The following PCDH15 variants were observed in gnomAD, a reference collection of about 807,000 sequenced individuals.
The protein encoded by PCDH15 is protocadherin related 15.
A neutral mutation model predicts 178.5 loss-of-function variants in PCDH15; 129 were observed. That is an observed-to-expected ratio of 0.72 (90% confidence interval 0.63 to 0.84). The LOEUF (loss-of-function observed/expected upper bound fraction) is 0.84, where lower values mean the gene tolerates loss of function less well. Among genes scored for constraint, PCDH15 ranks in the 40% least tolerant of loss-of-function variants. The pLI is 0.00. For synonymous variants in PCDH15, 800 were observed against 732.0 expected, an observed-to-expected ratio of 1.09 and a Z score of -1.50; for missense variants, 2,230 against 2,099.9, an observed-to-expected ratio of 1.06 and a Z score of -1.21.
chr10:54,947,162 A>G (rs1206526024), intron 2 of PCDH15, among the ~76,000 whole-genome samples: 1 of 151,944 alleles, frequency 6.6e-6, no homozygotes. Context: ...AAGACGTAAT[A>G]AGACATAACA....
chr10:53,807,417 G>GA lies in PCDH15; in HGVS notation c.4672-288dup, dbSNP rs34337581. On this transcript the variant is annotated intron_variant, in intron 37 of 37. Transcript: ENST00000644397. ...TTAGATCAAATTACTGATCCACATG[G>GA]AAAAAAATGTATTACTTTTATTTAA... 6.2e-3 allele frequency among the ~76,000 whole-genome samples: 948 copies of GA among 152,048 alleles called. 11 individuals carry two copies. The highest frequency in any genetic ancestry group is 0.021 in the African/African-American group (889 of 41,496).
At position 54,749,783 on chromosome 10, in the gene PCDH15, C is replaced by G. The variant is rs547162956; in HGVS notation, c.-29+51142G>C. Among the ~76,000 whole-genome samples the G allele has an allele frequency of 2.0e-5, 3 of 152,124 alleles. No homozygotes were observed. The South Asian group carries it at 6.2e-4, about 32-fold the overall frequency. On this transcript the variant is annotated intron_variant, in intron 1 of 37. Coordinates refer to ENST00000644397, the MANE Select transcript of PCDH15 (RefSeq NM_001384140.1). Reference sequence around the variant, plus strand: ...GGTAGCAGAGTTTGAAGTTTAAAACCCTACGTGCTTGCTTGCTTGCTTGGT... The same window carrying G: ...GGTAGCAGAGTTTGAAGTTTAAAACGCTACGTGCTTGCTTGCTTGCTTGGT...
At chr10:55,487,433 A>T (rs1840319607) in intron 2 of PCDH15, among the ~76,000 whole-genome samples, 1 of 151,754 alleles carries the variant, frequency 6.6e-6, no homozygotes. Flanking sequence ...TATCAAGTAT[A>T]TAACAACACT....
chr10:54,104,188 A>G (rs2094865395), intron 15 of PCDH15, among the ~76,000 whole-genome samples: 1 of 152,166 alleles, frequency 6.6e-6, no homozygotes, highest in African/African-American at 2.4e-5. Flanking sequence ...TGATGGCAGC[A>G]TGGATTAGAG....
intron 3 of PCDH15, among the ~76,000 whole-genome samples, chr10:54,417,266 T>C (rs572666309): frequency 6.6e-6 from 1 of 152,282 alleles, no homozygotes; most frequent in African/African-American, 2.4e-5. Flanking sequence ...GTCGATCTAC[T>C]TTAGGAATTT....
At chr10:54,596,998 G>A (rs1302662603) in intron 2 of PCDH15, among the ~76,000 whole-genome samples, 1 of 151,854 alleles carries the variant, frequency 6.6e-6, no homozygotes, top group African/African-American at 2.4e-5. Context: ...AATAATACGG[G>A]GAAATTTTGA....
At chr10:55,158,465 C>T (rs1452139590) in intron 2 of PCDH15, among the ~76,000 whole-genome samples, 1 of 151,908 alleles carries the variant, frequency 6.6e-6, no homozygotes, top group African/African-American at 2.4e-5. Flanking sequence ...TTCTTAATGA[C>T]CCAAAAGTTA....
At chr10:55,147,403 C>G (rs1838549284) in intron 2 of PCDH15, among the ~76,000 whole-genome samples, 1 of 151,258 alleles carries the variant, frequency 6.6e-6, no homozygotes, top group South Asian at 2.1e-4. Flanking sequence ...ATCAAATATA[C>G]AATGTTACAT....
intron 2 of PCDH15, among the ~76,000 whole-genome samples, chr10:55,585,763 A>G (rs980135701): frequency 2.6e-5 from 4 of 151,986 alleles, no homozygotes; most frequent in South Asian, 4.1e-4. Flanking sequence ...GTGTGTGTGT[A>G]TATATATGTG....
intron 2 of PCDH15, among the ~76,000 whole-genome samples, chr10:54,934,725 C>T (rs1404186215): frequency 1.3e-5 from 2 of 151,562 alleles, no homozygotes; most frequent in Non-Finnish European, 1.5e-5. Context: ...CATCCCATTA[C>T]TGGGTATATA....
intron 3 of PCDH15, among the ~76,000 whole-genome samples, chr10:54,422,035 G>A (rs1955591200): frequency 1.3e-5 from 2 of 149,386 alleles, no homozygotes; most frequent in Admixed American, 6.8e-5. Context: ...TTATACCTGT[G>A]GCAGAACAAT....
chr10:54,765,800 C>A (rs190609439), intron 1 of PCDH15, among the ~76,000 whole-genome samples: 22 of 152,158 alleles, frequency 1.4e-4, no homozygotes, highest in African/African-American at 5.1e-4. Context: ...AGACTCTTTA[C>A]TTTAGGACAT....
chr10:53,904,166 C>T (rs533381193), intron 25 of PCDH15, among the ~76,000 whole-genome samples: 200 of 152,082 alleles, frequency 1.3e-3, no homozygotes, highest in Non-Finnish European at 2.1e-3. Flanking sequence ...AACTTATAAA[C>T]CAAATAAAAT....
intron 15 of PCDH15, among the ~76,000 whole-genome samples, chr10:54,112,715 T>G (rs1030484361): frequency 6.6e-6 from 1 of 152,252 alleles, no homozygotes; most frequent in East Asian, 1.9e-4. Context: ...ATGTTCCCAA[T>G]AGAGGTCACA....
chr10:54,148,774 C>T (rs1484686088), intron 14 of PCDH15, among the ~76,000 whole-genome samples: 1 of 151,800 alleles, frequency 6.6e-6, no homozygotes, highest in African/African-American at 2.4e-5. Flanking sequence ...CTCTATTCTT[C>T]CTAACATACC....
At chr10:54,577,774 T>TC (rs1204569750) in intron 2 of PCDH15, among the ~76,000 whole-genome samples, 5 of 151,860 alleles carry the variant, frequency 3.3e-5, no homozygotes, top group Non-Finnish European at 5.9e-5. Flanking sequence ...GCACTAGTCC[T>TC]CCCTCAGAAG....
intron 1 of PCDH15, among the ~76,000 whole-genome samples, chr10:54,792,271 C>T (rs187024200): frequency 2.6e-5 from 4 of 151,950 alleles, no homozygotes; most frequent in Non-Finnish European, 5.9e-5. Flanking sequence ...AAAATTGCAC[C>T]ATCTCTACCC....
At chr10:54,538,971 A>G (rs2084890338) in intron 2 of PCDH15, among the ~76,000 whole-genome samples, 1 of 152,202 alleles carries the variant, frequency 6.6e-6, no homozygotes, top group South Asian at 2.1e-4. Flanking sequence ...TGGCATTGAA[A>G]GTTCAGTAGC....
chr10:55,116,804 T>C (rs1837638458), intron 2 of PCDH15, among the ~76,000 whole-genome samples: 1 of 152,172 alleles, frequency 6.6e-6, no homozygotes, highest in Non-Finnish European at 1.5e-5. Flanking sequence ...AAGTAGACTA[T>C]GAAAGAATTA....
Sources: allele counts gnomAD v4.1 joint callset (sites outside exome capture counted in the v4.1 genomes callset), GRCh38; gene constraint gnomAD v4.1.1; transcripts MANE v1.5; gene names NCBI Gene and HGNC (gene_info 2026-07-23, HGNC 2026-07-21).